Variants in PRKCE observed in about 807,000 individuals in gnomAD.
PRKCE encodes the protein protein kinase C epsilon.
In PRKCE, 16 loss-of-function variants were observed where a neutral mutation model predicts 85.4. The ratio of observed to expected loss-of-function variants is 0.19; its 90% CI spans 0.13 to 0.28. The LOEUF is 0.28. Among genes scored for constraint, PRKCE ranks in the 10% least tolerant of loss-of-function variants. PRKCE has a pLI of 1.00. For missense variants in PRKCE, 573 were observed against 975.2 expected (o/e 0.59, Z 5.49); for synonymous variants, 388 against 371.5 (o/e 1.04, Z -0.51).
chr2:45,763,826 C>T (rs1005449168), intron 1 of PRKCE, among the ~76,000 whole-genome samples: 1 of 152,108 alleles, frequency 6.6e-6, no homozygotes, highest in African/African-American at 2.4e-5. Context: ...AAAAGTGACA[C>T]ACACCTTGTT....
chr2:46,075,882 C>T (rs1174269327), intron 10 of PRKCE, among the ~76,000 whole-genome samples: 1 of 152,206 alleles, frequency 6.6e-6, no homozygotes, highest in Admixed American at 6.5e-5. Context: ...AGGCCTGAAG[C>T]AAAGGTTCCT....
chr2:45,683,184 C>T (rs915072401), intron 1 of PRKCE, among the ~76,000 whole-genome samples: 6 of 152,114 alleles, frequency 3.9e-5, no homozygotes, highest in African/African-American at 1.2e-4. Flanking sequence ...TTCCTATCAC[C>T]GCAGAATCTC....
intron 2 of PRKCE, among the ~76,000 whole-genome samples, chr2:45,974,572 T>C (rs1021342892): frequency 6.6e-6 from 1 of 152,214 alleles, no homozygotes; most frequent in East Asian, 1.9e-4. Flanking sequence ...GCTGCGTCCT[T>C]GGAAGCACAC....
intron 1 of PRKCE, among the ~76,000 whole-genome samples, chr2:45,804,097 C>G (rs1270180409): frequency 6.6e-6 from 1 of 152,192 alleles, no homozygotes; most frequent in African/African-American, 2.4e-5. Context: ...CCATCACCAC[C>G]TCTACAGCAC....
chr2:45,916,038 T>C (rs1390365837), intron 2 of PRKCE, among the ~76,000 whole-genome samples: 1 of 152,038 alleles, frequency 6.6e-6, no homozygotes, highest in African/African-American at 2.4e-5. Context: ...TTGGAGAGTT[T>C]AGGATGGCTC....
chr2:46,164,107 G>A (rs1678078924), intron 14 of PRKCE, among the ~76,000 whole-genome samples: 1 of 152,192 alleles, frequency 6.6e-6, no homozygotes, highest in African/African-American at 2.4e-5. Flanking sequence ...TAGCAGAGCT[G>A]GGAAAGAAAG....
At chr2:46,037,375 T>C (rs541564433) in intron 10 of PRKCE, among the ~76,000 whole-genome samples, 44 of 152,344 alleles carry the variant, frequency 2.9e-4, no homozygotes, top group Middle Eastern at 3.4e-3. Context: ...TCTTCCCTTC[T>C]TCCATCAGTC....
chr2:45,983,787 A>C (rs1229895875), intron 5 of PRKCE, among the ~76,000 whole-genome samples: 2 of 151,930 alleles, frequency 1.3e-5, no homozygotes, highest in Non-Finnish European at 2.9e-5. Flanking sequence ...TCTTCCTCCT[A>C]ATTGTTGTCC....
intron 1 of PRKCE, among the ~76,000 whole-genome samples, chr2:45,801,034 G>T (rs1265387004): frequency 1.3e-5 from 2 of 152,140 alleles, no homozygotes; most frequent in Non-Finnish European, 2.9e-5. Flanking sequence ...GGGGGGAAGG[G>T]CATTCCAGGC....
chr2:46,024,732 G>A (rs191472086), intron 10 of PRKCE, among the ~76,000 whole-genome samples: 1 of 152,186 alleles, frequency 6.6e-6, no homozygotes, highest in Non-Finnish European at 1.5e-5. Context: ...TTTGTTCTCA[G>A]TGTTTCTTTC....
intron 10 of PRKCE, among the ~76,000 whole-genome samples, chr2:46,075,919 A>G (rs1668516259): frequency 6.6e-6 from 1 of 152,222 alleles, no homozygotes; most frequent in African/African-American, 2.4e-5. Flanking sequence ...TCTGAAGTCC[A>G]GGTGAACAGC....
intron 2 of PRKCE, among the ~76,000 whole-genome samples, chr2:45,876,624 C>T (rs559814874): frequency 7.2e-5 from 11 of 152,188 alleles, no homozygotes; most frequent in Non-Finnish European, 1.0e-4. Flanking sequence ...TAATCTTTAC[C>T]CCTCACCACA....
At chr2:45,670,694 A>G (rs987209137) in intron 1 of PRKCE, among the ~76,000 whole-genome samples, 1 of 152,232 alleles carries the variant, frequency 6.6e-6, no homozygotes, top group Non-Finnish European at 1.5e-5. Context: ...ACATTTTACT[A>G]ACCCAAACAA....
At chr2:45,655,638 CA>C (rs1280010573) in intron 1 of PRKCE, among the ~76,000 whole-genome samples, 1 of 151,974 alleles carries the variant, frequency 6.6e-6, no homozygotes, top group Non-Finnish European at 1.5e-5. Flanking sequence ...TCAGCCTAGG[CA>C]ACGTAGTAAG....
Position 46,004,672 on chromosome 2 carries a change from G to A in PRKCE, c.1063+34G>A. The A allele has an allele frequency of 1.3e-6, 2 of 1,518,718 alleles. 1 individual carries two copies. The highest frequency in any genetic ancestry group is 2.4e-5 in the South Asian group (2 of 84,062). The allele number at this position is 1,518,718 out of a possible 1,614,324, so 94.1% of individuals were successfully genotyped here. Reference sequence around the variant, plus strand: ...CTCAGATTTGCTTCCTGACCTCTGAGTTCTGCCATTGGATGGACCAAGGAG... The same window carrying A: ...CTCAGATTTGCTTCCTGACCTCTGAATTCTGCCATTGGATGGACCAAGGAG... On this transcript the variant is annotated intron_variant, in intron 8 of 14. Transcript: ENST00000306156. The surrounding 1 kb of genome is among the most constrained non-coding windows in gnomAD (Gnocchi z 4.1).
chr2:45,879,919 A>G (rs1049236395), intron 2 of PRKCE, among the ~76,000 whole-genome samples: 1 of 152,244 alleles, frequency 6.6e-6, no homozygotes, highest in Non-Finnish European at 1.5e-5. Context: ...TTGAAATTAT[A>G]TATTAACTAT....
At chr2:46,066,974 T>G (rs1667675193) in intron 10 of PRKCE, among the ~76,000 whole-genome samples, 1 of 152,208 alleles carries the variant, frequency 6.6e-6, no homozygotes, top group South Asian at 2.1e-4. Context: ...ATTACTTCTG[T>G]GCATGGACAG....
At chr2:46,123,520 G>A (rs1286754403) in intron 11 of PRKCE, among the ~76,000 whole-genome samples, 3 of 151,970 alleles carry the variant, frequency 2.0e-5, no homozygotes, top group East Asian at 1.9e-4. Flanking sequence ...ACAGAGTCTC[G>A]CTCTGTCGCC....
chr2:46,015,497 C>G (rs574585148), intron 10 of PRKCE, among the ~76,000 whole-genome samples: 1 of 152,226 alleles, frequency 6.6e-6, no homozygotes, highest in East Asian at 1.9e-4. Context: ...GAGAATCTCC[C>G]TTAGCCAATC....
Sources: allele counts gnomAD v4.1 joint callset (sites outside exome capture counted in the v4.1 genomes callset), GRCh38; gene constraint gnomAD v4.1.1; non-coding constraint Gnocchi (gnomAD v3.1); transcripts MANE v1.5; gene names NCBI Gene and HGNC (gene_info 2026-07-23, HGNC 2026-07-21).